CAMTA1: variants seen among roughly 807,000 people sequenced by gnomAD.
CAMTA1 encodes the protein calmodulin-binding transcription activator 1.
Under a neutral mutation model 170.9 loss-of-function variants are expected in CAMTA1, and 27 were observed. That is an observed-to-expected ratio of 0.16 (90% confidence interval 0.12 to 0.22). The LOEUF (loss-of-function observed/expected upper bound fraction) is 0.22, where lower values mean the gene tolerates loss of function less well. Ranked by LOEUF, CAMTA1 falls within the 10% of genes least tolerant of loss-of-function variation. The pLI is 1.00. For synonymous variants in CAMTA1, 833 were observed against 891.5 expected, an observed-to-expected ratio of 0.93 and a Z score of 1.17; for missense variants, 1,619 against 2,217.2, an observed-to-expected ratio of 0.73 and a Z score of 5.42.
intron 6 of CAMTA1, among the ~76,000 whole-genome samples, chr1:7,597,945 T>A (rs2095413142): frequency 6.6e-6 from 1 of 152,158 alleles, no homozygotes; most frequent in Non-Finnish European, 1.5e-5. Context: ...TACTTTTTTT[T>A]TTTTTATACT....
At chr1:6,850,566 G>A (rs979465974) in intron 3 of CAMTA1, among the ~76,000 whole-genome samples, 1 of 152,154 alleles carries the variant, frequency 6.6e-6, no homozygotes, top group Admixed American at 6.5e-5. Context: ...AGAGCAAGTC[G>A]AGATGATGGA....
chr1:7,385,085 G>A (rs2087779081), intron 5 of CAMTA1, among the ~76,000 whole-genome samples: 1 of 117,218 alleles, frequency 8.5e-6, no homozygotes, highest in Non-Finnish European at 1.7e-5. Context: ...CTGCTTGCCT[G>A]TTCACTATTT....
chr1:7,386,622 G>A (rs571575989), intron 5 of CAMTA1, among the ~76,000 whole-genome samples: 1 of 152,286 alleles, frequency 6.6e-6, no homozygotes, highest in South Asian at 2.1e-4. Flanking sequence ...GCACCTTGAC[G>A]ATGGGCAGAT....
rs770684203 is a variant in CAMTA1 at position 7,738,409 on chromosome 1, T to G, written c.4109T>G (p.Val1370Gly). ...SVLMMANREV[V>G]NTELGSYRDS... The stretch of plus-strand genomic sequence containing the variant: ...CTGATGATGGCTAACAGAGAGGTGG[T>G]GAATACAGAGCTGGGGTCCTACCGT... Residue 1370 changes from valine (V) to glycine (G), a missense_variant, in exon 16 of 23, where the codon GTG (valine) becomes GGG (glycine). Around this residue, in one of 8 missense-constraint regions of CAMTA1, gnomAD observed 370 missense variants for 429.4 expected, o/e 0.86. Transcript: ENST00000303635. This position sits in a 1 kb window ranked among gnomAD's most constrained non-coding sequence, Gnocchi z 4.9. 6.2e-7 allele frequency: 1 copy of G among 1,613,998 alleles called. No homozygotes were observed. The highest frequency in any genetic ancestry group is 8.5e-7 in the Non-Finnish European group (1 of 1,180,038).
At chr1:6,796,132 CTTTTTTTT>C (rs978363793) in intron 1 of CAMTA1, among the ~76,000 whole-genome samples, 5 of 70,962 alleles carry the variant, frequency 7.0e-5, no homozygotes, top group Non-Finnish European at 1.5e-4. Context: ...AATAGCATTT[CTTTTTTTT>C]TTTTTTTTTT....
At chr1:6,896,764 T>C (rs1283709670) in intron 3 of CAMTA1, among the ~76,000 whole-genome samples, 3 of 152,216 alleles carry the variant, frequency 2.0e-5, no homozygotes, top group Non-Finnish European at 4.4e-5. Context: ...GTCTCAAATG[T>C]ATTATGCCAC....
At chr1:7,101,904 C>T (rs1028572736) in intron 4 of CAMTA1, among the ~76,000 whole-genome samples, 13 of 152,202 alleles carry the variant, frequency 8.5e-5, no homozygotes, top group African/African-American at 2.7e-4. Flanking sequence ...CATATACACA[C>T]AACTACACAC....
intron 1 of CAMTA1, among the ~76,000 whole-genome samples, chr1:6,805,979 A>C (rs1335399868): frequency 3.3e-5 from 5 of 151,484 alleles, no homozygotes; most frequent in Non-Finnish European, 5.9e-5. Flanking sequence ...TTTTTGTTAG[A>C]GTTCTGTAGT....
chr1:7,108,026 A>G (rs1378026564), intron 4 of CAMTA1, among the ~76,000 whole-genome samples: 2 of 152,032 alleles, frequency 1.3e-5, no homozygotes, highest in African/African-American at 4.8e-5. Context: ...ATGTCTGGAG[A>G]CATTTTTGGT....
intron 3 of CAMTA1, among the ~76,000 whole-genome samples, chr1:7,048,246 A>G (rs1705726244): frequency 6.6e-6 from 1 of 152,150 alleles, no homozygotes; most frequent in African/African-American, 2.4e-5. Context: ...AACAGAACCT[A>G]TTAATAATTG....
chr1:7,225,229 C>T (rs1007748995), intron 4 of CAMTA1, among the ~76,000 whole-genome samples: 4 of 152,114 alleles, frequency 2.6e-5, no homozygotes, highest in Non-Finnish European at 4.4e-5. Flanking sequence ...GGACTACAGG[C>T]GCCCACCACC....
At chr1:7,302,003 C>T (rs1674840489) in intron 5 of CAMTA1, among the ~76,000 whole-genome samples, 1 of 152,178 alleles carries the variant, frequency 6.6e-6, no homozygotes, top group Non-Finnish European at 1.5e-5. Context: ...CGTTCTGGCT[C>T]ATCTGCAGCC....
intron 5 of CAMTA1, among the ~76,000 whole-genome samples, chr1:7,295,551 A>G (rs1189210898): frequency 6.6e-6 from 1 of 152,228 alleles, no homozygotes; most frequent in Non-Finnish European, 1.5e-5. Context: ...TGAATTAAGC[A>G]GTATATTCCA....
At chr1:7,707,676 A>C (rs1397888805) in intron 11 of CAMTA1, among the ~76,000 whole-genome samples, 1 of 152,234 alleles carries the variant, frequency 6.6e-6, no homozygotes, top group Non-Finnish European at 1.5e-5. Context: ...GGAGAAGTCC[A>C]GATGTGATGT....
intron 7 of CAMTA1, among the ~76,000 whole-genome samples, chr1:7,654,606 T>A (rs2095868261): frequency 1.0e-5 from 1 of 96,988 alleles, no homozygotes. Flanking sequence ...ACACACACAC[T>A]CCTATACACA....
chr1:7,556,440 G>T (rs193293339), intron 6 of CAMTA1, among the ~76,000 whole-genome samples: 1 of 152,284 alleles, frequency 6.6e-6, no homozygotes, highest in East Asian at 1.9e-4. Flanking sequence ...GCCTTCTTCC[G>T]GACCCTGGCC....
chr1:6,962,008 G>T (rs1296632292), intron 3 of CAMTA1, among the ~76,000 whole-genome samples: 4 of 152,314 alleles, frequency 2.6e-5, no homozygotes, highest in Admixed American at 6.5e-5. Flanking sequence ...GCCCTGTCGG[G>T]TCAAAGCCAA....
intron 3 of CAMTA1, among the ~76,000 whole-genome samples, chr1:6,860,122 C>T (rs1664098155): frequency 6.6e-6 from 1 of 151,984 alleles, no homozygotes; most frequent in Non-Finnish European, 1.5e-5. Flanking sequence ...TAATATTTCT[C>T]CCTTTAGTCA....
At chr1:7,549,124 G>A (rs534132635) in intron 6 of CAMTA1, among the ~76,000 whole-genome samples, 1 of 142,874 alleles carries the variant, frequency 7.0e-6, no homozygotes, top group South Asian at 2.3e-4. Flanking sequence ...TCTTAGAGGT[G>A]GAGATGCCCA....
Sources: gnomAD v4.1 joint callset for allele counts (sites outside exome capture counted in the v4.1 genomes callset) on GRCh38, gnomAD v4.1.1 for gene constraint, gnomAD v4.1.1 regional missense constraint, Gnocchi (gnomAD v3.1) non-coding constraint, MANE v1.5 for transcripts, NCBI Gene and HGNC (gene_info 2026-07-23, HGNC 2026-07-21) for gene names.